CEP126: variants seen among roughly 807,000 people sequenced by gnomAD.
CEP126 encodes centrosomal protein 126.
Under a neutral mutation model 107.8 loss-of-function variants are expected in CEP126, and 74 were observed. The ratio of observed to expected loss-of-function variants is 0.69; its 90% CI spans 0.57 to 0.83. CEP126 has a LOEUF of 0.83. CEP126 is among the 40% of genes least tolerant of loss of function. The pLI, the probability that CEP126 is intolerant of heterozygous loss-of-function variation, is 0.00. For missense variants in CEP126, 1,237 were observed against 1,281.9 expected (o/e 0.96, Z 0.53); for synonymous variants, 449 against 446.0 (o/e 1.01, Z -0.08).
Position 101,958,276 on chromosome 11 carries a change from G to C in CEP126, c.615G>C (p.Arg205Ser). Residue 205 changes from arginine (R) to serine (S), a missense_variant, in exon 5 of 11, where the codon AGG becomes AGC. By Grantham distance (110) the Arg-to-Ser change is moderately radical (BLOSUM62 -1). Transcript: ENST00000263468. ...AGAAAGAAATGAATGAAAACATGAG[G>C]GCAACCTTGGCTACTAGCAAAAATG... Reference protein sequence around the residue: ...NCEKEMNENMRATLATSKNVF... With the variant: ...NCEKEMNENMSATLATSKNVF... 1 of 1,613,898 alleles carries C rather than the reference G, an allele frequency of 6.2e-7. No homozygotes were observed. Among genetic ancestry groups the C allele is most frequent in the Non-Finnish European group, 8.5e-7 (1 of 1,179,906 alleles).
At position 101,915,116 on chromosome 11, in the gene CEP126, C is replaced by G; in HGVS notation, c.-169C>G. ...TCAGCTGCCATCGCCGCTACAGGCA[C>G]CAGTGCCGCTGCGCGGGAGCTAGGG... On this transcript the variant is annotated 5_prime_UTR_variant, in exon 1 of 11. Coordinates refer to ENST00000263468, the MANE Select transcript of CEP126 (RefSeq NM_020802.4). The G allele has an allele frequency of 9.9e-7, 1 of 1,008,950 alleles. No homozygotes were observed. Among genetic ancestry groups the G allele is most frequent in the Non-Finnish European group, 1.4e-6 (1 of 711,106 alleles). 62.5% of individuals were successfully genotyped at this position (1,008,950 alleles called of 1,614,324 possible).
At chr11:101,976,186 A>G (rs777528389) in intron 6 of CEP126, among the ~76,000 whole-genome samples, 13 of 152,224 alleles carry the variant, frequency 8.5e-5, no homozygotes, top group Non-Finnish European at 1.6e-4. Flanking sequence ...GAACTAATTT[A>G]GATTCCCACC....
intron 2 of CEP126, among the ~76,000 whole-genome samples, chr11:101,943,254 A>G (rs1940690069): frequency 6.6e-6 from 1 of 151,942 alleles, no homozygotes; most frequent in African/African-American, 2.4e-5. Flanking sequence ...CATTCTACCT[A>G]TCTCCTATGT....
At chr11:101,973,556 C>G (rs896430882) in intron 6 of CEP126, among the ~76,000 whole-genome samples, 3 of 152,180 alleles carry the variant, frequency 2.0e-5, no homozygotes, top group South Asian at 4.2e-4. Flanking sequence ...CTAATGCATC[C>G]GGGGCTTAAT....
At chr11:101,929,974 C>CT (rs60650996) in intron 2 of CEP126, among the ~76,000 whole-genome samples, 11,814 of 118,648 alleles carry the variant, frequency 0.1, 900 homozygotes, top group East Asian at 0.43. Flanking sequence ...TTAGTTAGGA[C>CT]TTTTTTTTTT....
chr11:101,937,392 A>G (rs1940598470), intron 2 of CEP126, among the ~76,000 whole-genome samples: 1 of 152,236 alleles, frequency 6.6e-6, no homozygotes, highest in Non-Finnish European at 1.5e-5. Context: ...GTACAGTAGC[A>G]TCACCGGAAT....
intron 1 of CEP126, chr11:101,916,230 T>G (rs1018702024): frequency 6.6e-6 from 1 of 152,246 alleles, no homozygotes; most frequent in Non-Finnish European, 1.5e-5. Flanking sequence ...CCAAGTTAAC[T>G]CTGTTTTCTT....
At chr11:101,939,390 T>G (rs573715700) in intron 2 of CEP126, among the ~76,000 whole-genome samples, 1 of 152,336 alleles carries the variant, frequency 6.6e-6, no homozygotes, top group East Asian at 1.9e-4. Context: ...TCTAATAAAT[T>G]TGTCTGGTAT....
At chr11:101,925,614 CA>C (rs1360948147) in intron 2 of CEP126, among the ~76,000 whole-genome samples, 1 of 148,990 alleles carries the variant, frequency 6.7e-6, no homozygotes, top group African/African-American at 2.5e-5. Flanking sequence ...ACTAAAAATA[CA>C]AAAACTAGCC....
chr11:101,979,067 G>A (rs999996249), intron 7 of CEP126, among the ~76,000 whole-genome samples: 2 of 152,058 alleles, frequency 1.3e-5, no homozygotes, highest in Non-Finnish European at 1.5e-5. Flanking sequence ...GGGAGGCGGA[G>A]GTTACAGTGA....
intron 2 of CEP126, among the ~76,000 whole-genome samples, chr11:101,934,601 C>G (rs1940548821): frequency 6.6e-6 from 1 of 152,096 alleles, no homozygotes; most frequent in South Asian, 2.1e-4. Flanking sequence ...AGAATATACC[C>G]TGAAACCTCT....
At chr11:101,916,376 A>G (rs1940213224) in intron 1 of CEP126, 1 of 152,214 alleles carries the variant, frequency 6.6e-6, no homozygotes, top group Admixed American at 6.5e-5. Flanking sequence ...CTAGTGAGGA[A>G]GACAAATGTG....
chr11:101,979,618 C>T (rs1941232276), intron 7 of CEP126, among the ~76,000 whole-genome samples: 1 of 152,068 alleles, frequency 6.6e-6, no homozygotes, highest in Non-Finnish European at 1.5e-5. Context: ...GCACTGGAGT[C>T]CCAGCTACTT....
intron 3 of CEP126, 127 bp from the exon 4 acceptor site, chr11:101,947,904 T>C (rs1464322859): frequency 7.0e-6 from 3 of 426,590 alleles, no homozygotes; most frequent in East Asian, 3.5e-5. Flanking sequence ...TTTACACTAT[T>C]CTGAAAATAT....
At chr11:101,937,422 C>T (rs937453691) in intron 2 of CEP126, among the ~76,000 whole-genome samples, 6 of 152,202 alleles carry the variant, frequency 3.9e-5, no homozygotes, top group Non-Finnish European at 8.8e-5. Context: ...AGCTGGCAGA[C>T]AACAGCAATA....
chr11:101,924,570 A>C lies in CEP126; in HGVS notation c.248+1810A>C, dbSNP rs1202309402. On this transcript the variant is annotated intron_variant, in intron 2 of 10. Transcript: ENST00000263468. The stretch of plus-strand genomic sequence containing the variant: ...AACCTCCGCCTCCCAGATTCAAACG[A>C]TTCCCCTGCCTCAACCCCCCGAATA... Among the ~76,000 whole-genome samples the C allele has an allele frequency of 2.6e-5, 4 of 151,992 alleles. No homozygotes were observed. The East Asian group carries it at 7.7e-4, about 29-fold the overall frequency.
intron 6 of CEP126, among the ~76,000 whole-genome samples, chr11:101,974,218 G>A (rs911836503): frequency 7.9e-5 from 12 of 152,144 alleles, no homozygotes; most frequent in African/African-American, 2.9e-4. Context: ...ATAATTTTAG[G>A]CAGTAACAAG....
rs186375514 is a variant in CEP126 at position 101,974,310 on chromosome 11, G to A, written c.2846-4037G>A. 9.2e-5 allele frequency among the ~76,000 whole-genome samples: 14 copies of A among 152,198 alleles called. No individual in the cohort carries two copies. In the East Asian group the frequency reaches 2.7e-3, roughly 29 times the overall value. On this transcript the variant is annotated intron_variant, in intron 6 of 10. Transcript: ENST00000263468. ...AATTATAAACAAACTGGGATTCCCC[G>A]GGGCTATGAGAGGAGAGGTTCAGTC...
chr11:101,982,060 T>C, intron 8 of CEP126, 96 bp downstream of exon 8: 1 of 670,260 alleles, frequency 1.5e-6, no homozygotes, highest in South Asian at 2.0e-5. Flanking sequence ...TATGTAATTG[T>C]TAAAGCACCA....
Sources: gnomAD v4.1 joint callset for allele counts (sites outside exome capture counted in the v4.1 genomes callset) on GRCh38, gnomAD v4.1.1 for gene constraint, MANE v1.5 for transcripts, NCBI Gene and HGNC (gene_info 2026-07-23, HGNC 2026-07-21) for gene names.